Variants in ATP11A observed in about 807,000 individuals in gnomAD.
ATP11A encodes the protein phospholipid-transporting ATPase IH.
ATP11A carries 81 observed loss-of-function variants against 154.4 expected under a neutral mutation model. The observed-to-expected ratio is 0.52, with a 90% confidence interval of 0.44 to 0.63. The LOEUF is 0.63. ATP11A is among the 30% of genes least tolerant of loss of function. ATP11A has a pLI of 0.00. For missense variants in ATP11A, 1,316 were observed against 1,474.3 expected (o/e 0.89, Z 1.76); for synonymous variants, 623 against 585.9 (o/e 1.06, Z -0.91).
At chr13:112,880,491 A>C in intron 29 of ATP11A, 1 of 1,256,170 alleles carries the variant, frequency 8.0e-7, no homozygotes, top group Non-Finnish European at 1.0e-6. Context: ...AGGCCCGAGC[A>C]CTCCTGGTGG....
chr13:112,784,744 C>G (rs1299821073), intron 1 of ATP11A, among the ~76,000 whole-genome samples: 1 of 152,188 alleles, frequency 6.6e-6, no homozygotes, highest in Non-Finnish European at 1.5e-5. Context: ...AGGATGGTCT[C>G]CATCTCCTGA....
chr13:112,821,721 T>C (rs1388309349), intron 8 of ATP11A, among the ~76,000 whole-genome samples: 2 of 152,258 alleles, frequency 1.3e-5, no homozygotes, highest in Non-Finnish European at 2.9e-5. Flanking sequence ...ACCCAAATTC[T>C]CAATCCATTC....
Position 112,785,222 on chromosome 13 carries a change from C to T in ATP11A, c.127C>T (p.Gln43Ter). ...PPPGAEAYIPQRYPDNRIVSS... is the reference protein window; with the variant it reads ...PPPGAEAYIP ...TCCGGGCGCAGAGGCCTACATCCCA[C>T]AGAGATACCCAGACAACAGGATCGT... Residue 43 changes from glutamine (Q) to a stop codon, truncating the protein, a stop_gained, in exon 2 of 30, where the codon CAG (glutamine) becomes TAG (stop). Transcript: ENST00000375645. LOFTEE classifies it high-confidence loss of function. This position sits in a 1 kb window ranked among gnomAD's most constrained non-coding sequence, Gnocchi z 4.8. The T allele has an allele frequency of 6.4e-7, 1 of 1,563,804 alleles. No individual in the cohort carries two copies.
At chr13:112,858,031 C>T (rs1228196942) in intron 21 of ATP11A, 111 bp downstream of exon 21, 27 of 1,557,730 alleles carry the variant, frequency 1.7e-5, no homozygotes, top group Admixed American at 3.4e-5. Flanking sequence ...TCACCACCCT[C>T]GTGTGTGACC....
intron 15 of ATP11A, among the ~76,000 whole-genome samples, chr13:112,835,485 G>T (rs532755096): frequency 6.6e-6 from 1 of 152,210 alleles, no homozygotes; most frequent in Non-Finnish European, 1.5e-5. Flanking sequence ...TGGGCTTCCC[G>T]GGGGCCGCAA....
intron 1 of ATP11A, among the ~76,000 whole-genome samples, chr13:112,738,950 C>T (rs1891268039): frequency 6.6e-6 from 1 of 152,096 alleles, no homozygotes; most frequent in Admixed American, 6.5e-5. Flanking sequence ...ACCTGTCTCA[C>T]CTACTCCATG....
At chr13:112,800,304 T>C (rs2078100248) in intron 2 of ATP11A, among the ~76,000 whole-genome samples, 1 of 150,730 alleles carries the variant, frequency 6.6e-6, no homozygotes, top group African/African-American at 2.4e-5. Flanking sequence ...ACATCAGAAA[T>C]AAAGGAGGGG....
chr13:112,803,737 T>TC, intron 2 of ATP11A, among the ~76,000 whole-genome samples: 2 of 80,346 alleles, frequency 2.5e-5, no homozygotes, highest in Non-Finnish European at 4.9e-5. Flanking sequence ...CCTGACCTCC[T>TC]TCCCCTCCTT....
chr13:112,725,881 C>G (rs749276892), intron 1 of ATP11A, among the ~76,000 whole-genome samples: 1 of 152,198 alleles, frequency 6.6e-6, no homozygotes, highest in Non-Finnish European at 1.5e-5. Flanking sequence ...GACTCAGGAG[C>G]CCCTCCCCGG....
At chr13:112,816,779 A>G (rs1435296093) in intron 6 of ATP11A, among the ~76,000 whole-genome samples, 4 of 152,210 alleles carry the variant, frequency 2.6e-5, no homozygotes, top group Admixed American at 2.0e-4. Context: ...GTAACAACCA[A>G]TTACCTCAGG....
At chr13:112,751,397 T>G (rs1234861256) in intron 1 of ATP11A, among the ~76,000 whole-genome samples, 1 of 152,180 alleles carries the variant, frequency 6.6e-6, no homozygotes, top group African/African-American at 2.4e-5. Context: ...GTGTGGCTGA[T>G]GCCTGTAAAC....
intron 16 of ATP11A, 72 bp downstream of exon 16, chr13:112,836,323 T>C: frequency 3.4e-6 from 3 of 878,488 alleles, no homozygotes; most frequent in Non-Finnish European, 5.4e-6. Flanking sequence ...GACTAAATTC[T>C]ACAGGAGCTT....
At chr13:112,737,971 C>T (rs2139730409) in intron 1 of ATP11A, among the ~76,000 whole-genome samples, 1 of 152,348 alleles carries the variant, frequency 6.6e-6, no homozygotes, top group South Asian at 2.1e-4. Flanking sequence ...GGTCCTCTCC[C>T]TCAGCCCTTT....
intron 1 of ATP11A, among the ~76,000 whole-genome samples, chr13:112,759,451 C>A (rs183038406): frequency 6.6e-6 from 1 of 152,330 alleles, no homozygotes; most frequent in African/African-American, 2.4e-5. Context: ...CGTGCTCTTT[C>A]AACAATAGCG....
intron 2 of ATP11A, among the ~76,000 whole-genome samples, chr13:112,790,446 G>C (rs892851455): frequency 7.0e-6 from 1 of 142,400 alleles, no homozygotes; most frequent in African/African-American, 2.7e-5. Flanking sequence ...AATTCACACC[G>C]GGTATTCTGA....
At position 112,754,080 on chromosome 13, in the gene ATP11A, G is replaced by A. The variant is rs921232862; in HGVS notation, c.40-31055G>A. ...TGGTCCCCAGTGTTTTGGGATTGAG[G>A]AGGGGTTCGGCTTCACTCTCTTCAG... On this transcript the variant is annotated intron_variant, in intron 1 of 29. Coordinates refer to ENST00000375645, the MANE Select transcript of ATP11A (RefSeq NM_015205.3). This position sits in a 1 kb window ranked among gnomAD's most constrained non-coding sequence, Gnocchi z 5.3. Among the ~76,000 whole-genome samples, 1 of 152,172 alleles carries A rather than the reference G, an allele frequency of 6.6e-6. No homozygotes were observed. Among genetic ancestry groups the A allele is most frequent in the Non-Finnish European group, 1.5e-5 (1 of 68,034 alleles).
In ATP11A at chr13:112,883,096, C is replaced by T. The variant is rs1208467155; in HGVS notation, c.*1230C>T. ...TCGTCCTCATGTCCCCTTGTCCTGT[C>T]ACCTCGTCCCCACGTCCCCTCGTCT... is the stretch of plus-strand genomic sequence containing the variant. On this transcript the variant is annotated 3_prime_UTR_variant, in exon 30 of 30. Coordinates refer to ENST00000375645, the MANE Select transcript of ATP11A (RefSeq NM_015205.3). 1.5e-5 allele frequency: 5 copies of T among 328,640 alleles called. No homozygotes were observed. The highest frequency in any genetic ancestry group is 6.2e-5 in the Admixed American group (1 of 16,066). 20.4% of individuals were successfully genotyped at this position (328,640 alleles called of 1,614,324 possible).
intron 2 of ATP11A, among the ~76,000 whole-genome samples, chr13:112,802,688 G>A (rs2078172352): frequency 6.6e-6 from 1 of 151,980 alleles, no homozygotes; most frequent in African/African-American, 2.4e-5. Context: ...AAATGTAGGA[G>A]AAAGTCTAGG....
chr13:112,866,237 G>T (rs955978632), intron 25 of ATP11A, among the ~76,000 whole-genome samples: 5 of 152,090 alleles, frequency 3.3e-5, no homozygotes, highest in Admixed American at 6.5e-5. Flanking sequence ...AATATTTCTC[G>T]AAAATATTTT....
Sources: gnomAD v4.1 joint callset for allele counts (sites outside exome capture counted in the v4.1 genomes callset) on GRCh38, gnomAD v4.1.1 for gene constraint, Gnocchi (gnomAD v3.1) non-coding constraint, MANE v1.5 for transcripts, NCBI Gene and HGNC (gene_info 2026-07-23, HGNC 2026-07-21) for gene names.